Variants in FBXL20 observed in about 807,000 individuals in gnomAD.
FBXL20 encodes F-box and leucine rich repeat protein 20.
In FBXL20, 11 loss-of-function variants were observed where a neutral mutation model predicts 64.0. The ratio of observed to expected loss-of-function variants is 0.17; its 90% CI spans 0.11 to 0.28. The LOEUF (loss-of-function observed/expected upper bound fraction) is 0.28, where lower values mean the gene tolerates loss of function less well. FBXL20 is among the 10% of genes least tolerant of loss of function. The pLI is 1.00. For missense variants in FBXL20, 303 were observed against 526.2 expected (o/e 0.58, Z 4.15); for synonymous variants, 184 against 189.0 (o/e 0.97, Z 0.22).
chr17:39,283,741 C>A (rs771604690), intron 7 of FBXL20, among the ~76,000 whole-genome samples: 1 of 152,116 alleles, frequency 6.6e-6, no homozygotes, highest in Non-Finnish European at 1.5e-5. Flanking sequence ...ATCTTATGTC[C>A]GATCTCTGCC....
intron 13 of FBXL20, 118 bp downstream of exon 13, chr17:39,265,279 T>C (rs2046780973): frequency 1.4e-6 from 1 of 717,472 alleles, no homozygotes; most frequent in Admixed American, 2.8e-5. Flanking sequence ...AGCTGGCAGT[T>C]TGAAGAAGCA....
rs111816820 is a variant in FBXL20, at chr17:39,295,034, G to A, written c.398+2093C>T. Among the ~76,000 whole-genome samples, 22 of 152,122 alleles carry A rather than the reference G, an allele frequency of 1.4e-4. 1 individual carries two copies. Among genetic ancestry groups the A allele is most frequent in the African/African-American group, 4.8e-4 (20 of 41,506 alleles). ...TGTTAAAGAGTACATACTGAAATAC[G>A]GATTAAATAATATGATGTCTAGGAC... On this transcript the variant is annotated intron_variant, in intron 6 of 14. Transcript: ENST00000264658.
At chr17:39,358,640 C>A (rs373419744) in intron 1 of FBXL20, among the ~76,000 whole-genome samples, 2 of 152,066 alleles carry the variant, frequency 1.3e-5, no homozygotes, top group African/African-American at 4.8e-5. Flanking sequence ...TGAGATCAAA[C>A]CACTGCACTC....
intron 2 of FBXL20, among the ~76,000 whole-genome samples, chr17:39,330,003 CA>C (rs1237857192): frequency 6.6e-6 from 1 of 151,844 alleles, no homozygotes; most frequent in African/African-American, 2.4e-5. Context: ...TCAAAAAAAT[CA>C]AAAATAGGAT....
rs1173579918 is a variant in FBXL20, at chr17:39,255,696, T to C, written c.*5764A>G. ...CCGTCTCTACTAAAAATACAAATTT[T>C]GCCGGGCGTGGTGGCACAGGCTGTA... is the stretch of plus-strand genomic sequence containing the variant. On this transcript the variant is annotated 3_prime_UTR_variant, in exon 15 of 15. Coordinates refer to ENST00000264658, the MANE Select transcript of FBXL20 (RefSeq NM_032875.3). 1 of 147,580 alleles carries C rather than the reference T, an allele frequency of 6.8e-6. No individual in the cohort carries two copies. Among genetic ancestry groups the C allele is most frequent in the Non-Finnish European group, 1.5e-5 (1 of 66,390 alleles). The allele number at this position is 147,580 out of a possible 1,614,324, so 9.1% of individuals were successfully genotyped here. A position where few individuals can be genotyped will look rare whatever the true frequency, so the allele number is the denominator to read the frequency against.
chr17:39,334,626 A>G (rs1425953922), intron 2 of FBXL20, among the ~76,000 whole-genome samples: 1 of 152,206 alleles, frequency 6.6e-6, no homozygotes, highest in African/African-American at 2.4e-5. Flanking sequence ...AATGAGAAAA[A>G]AATTTCATAT....
chr17:39,364,080 G>C (rs924360468), intron 1 of FBXL20, among the ~76,000 whole-genome samples: 2 of 151,658 alleles, frequency 1.3e-5, no homozygotes, highest in African/African-American at 4.8e-5. Flanking sequence ...AGTACAGACG[G>C]GGTTTCACCA....
intron 1 of FBXL20, among the ~76,000 whole-genome samples, chr17:39,359,353 A>G (rs1281122772): frequency 1.3e-5 from 2 of 151,716 alleles, no homozygotes; most frequent in African/African-American, 4.8e-5. Context: ...AAAACAAACA[A>G]CAGAGGTGGG....
chr17:39,283,591 G>A (rs559687489), intron 7 of FBXL20, among the ~76,000 whole-genome samples: 122 of 152,122 alleles, frequency 8.0e-4, no homozygotes, highest in Non-Finnish European at 1.5e-3. Context: ...TTGGATTTTT[G>A]AAACGGGGAT....
At chr17:39,356,194 G>A (rs2047737363) in intron 1 of FBXL20, among the ~76,000 whole-genome samples, 2 of 132,014 alleles carry the variant, frequency 1.5e-5, no homozygotes, top group African/African-American at 2.9e-5. Flanking sequence ...CAGCCTAGGC[G>A]ACAGAGCGAG....
chr17:39,339,232 TA>T (rs1276452950), intron 2 of FBXL20, among the ~76,000 whole-genome samples: 2 of 146,060 alleles, frequency 1.4e-5, no homozygotes, highest in Non-Finnish European at 3.0e-5. Context: ...CCCATCTGTA[TA>T]AAAAAAATAA....
At chr17:39,301,112 T>TA (rs1167089138) in intron 3 of FBXL20, 37 bp from the exon 4 acceptor site, 1 of 1,582,780 alleles carries the variant, frequency 6.3e-7, no homozygotes, top group Non-Finnish European at 8.7e-7. Flanking sequence ...GAGCAGAAGC[T>TA]AAAATTAAGG....
At chr17:39,265,513 C>T in intron 12 of FBXL20, 60 bp from the exon 13 acceptor site, 1 of 1,327,436 alleles carries the variant, frequency 7.5e-7, no homozygotes, top group Non-Finnish European at 1.1e-6. Context: ...TGAGTCATAC[C>T]TGATTCTTTT....
intron 1 of FBXL20, among the ~76,000 whole-genome samples, chr17:39,397,173 T>A (rs959177321): frequency 2.0e-5 from 3 of 152,166 alleles, no homozygotes; most frequent in African/African-American, 7.2e-5. Context: ...CCCAAAGTGC[T>A]GTGATTACAG....
chr17:39,381,239 G>A (rs1235405752), intron 1 of FBXL20, among the ~76,000 whole-genome samples: 1 of 151,916 alleles, frequency 6.6e-6, no homozygotes, highest in Non-Finnish European at 1.5e-5. Context: ...ACTTTGGGAG[G>A]CTGAGGCAAG....
intron 1 of FBXL20, among the ~76,000 whole-genome samples, chr17:39,363,810 C>CAAAA (rs71372113): frequency 7.5e-5 from 2 of 26,656 alleles, no homozygotes; most frequent in South Asian, 9.2e-4. Context: ...GACTTTATCT[C>CAAAA]AAAAAAAAAA....
At chr17:39,384,660 T>C (rs554156571) in intron 1 of FBXL20, among the ~76,000 whole-genome samples, 14 of 152,122 alleles carry the variant, frequency 9.2e-5, no homozygotes, top group African/African-American at 3.1e-4. Context: ...AATATAGAAA[T>C]AGATTACATA....
In FBXL20 at chr17:39,256,925, TTTG is replaced by T. The variant is rs1192245936; in HGVS notation, c.*4532_*4534del. 1 of 152,214 alleles carries T rather than the reference TTTG, an allele frequency of 6.6e-6. No homozygotes were observed. The highest frequency in any genetic ancestry group is 6.6e-5 in the Admixed American group (1 of 15,264). The allele number at this position is 152,214 out of a possible 1,614,324, so 9.4% of individuals were successfully genotyped here. Reference sequence around the variant, plus strand: ...AACCAAGACAGGTTTCATCACATATTTTGTTTAGTCCCCCATGGCATTAGTGGG... The same window carrying T: ...AACCAAGACAGGTTTCATCACATATTTTTAGTCCCCCATGGCATTAGTGGG... On this transcript the variant is annotated 3_prime_UTR_variant, in exon 15 of 15. Coordinates refer to ENST00000264658, the MANE Select transcript of FBXL20 (RefSeq NM_032875.3).
chr17:39,387,181 A>G (rs1348712822), intron 1 of FBXL20, among the ~76,000 whole-genome samples: 1 of 152,132 alleles, frequency 6.6e-6, no homozygotes, highest in African/African-American at 2.4e-5. Flanking sequence ...TTTGTGTTAG[A>G]TAATTTTACC....
Sources: gnomAD v4.1 joint callset for allele counts (sites outside exome capture counted in the v4.1 genomes callset) on GRCh38, gnomAD v4.1.1 for gene constraint, MANE v1.5 for transcripts, NCBI Gene and HGNC (gene_info 2026-07-23, HGNC 2026-07-21) for gene names.